The following PITPNM3 variants were observed in gnomAD, a reference collection of about 807,000 sequenced individuals.
The protein encoded by PITPNM3 is PITPNM family member 3, also known as membrane-associated phosphatidylinositol transfer protein 3.
PITPNM3 carries 26 observed loss-of-function variants against 102.0 expected under a neutral mutation model. The ratio of observed to expected loss-of-function variants is 0.25; its 90% CI spans 0.19 to 0.35. The LOEUF (loss-of-function observed/expected upper bound fraction) is 0.35. Among genes scored for constraint, PITPNM3 ranks in the 10% least tolerant of loss-of-function variants. PITPNM3 has a pLI of 1.00. For missense variants in PITPNM3, 1,083 were observed against 1,346.1 expected, an observed-to-expected ratio of 0.80 and a Z score of 3.06; for synonymous variants, 578 against 558.6, an observed-to-expected ratio of 1.03 and a Z score of -0.49.
intron 4 of PITPNM3, among the ~76,000 whole-genome samples, chr17:6,496,583 T>C (rs909994670): frequency 6.6e-6 from 1 of 152,322 alleles, no homozygotes; most frequent in Non-Finnish European, 1.5e-5. Context: ...CCTCACGCTT[T>C]TCATTTTATG....
At chr17:6,512,655 C>T (rs1046123582) in intron 3 of PITPNM3, among the ~76,000 whole-genome samples, 2 of 151,988 alleles carry the variant, frequency 1.3e-5, no homozygotes, top group Non-Finnish European at 2.9e-5. Flanking sequence ...CTTTGAGAAG[C>T]GTGTATTGAG....
intron 4 of PITPNM3, among the ~76,000 whole-genome samples, chr17:6,491,816 A>AATATATATAT (rs71381397): frequency 4.7e-4 from 29 of 62,054 alleles, no homozygotes; most frequent in African/African-American, 1.8e-3. Flanking sequence ...GGGACAATGG[A>AATATATATAT]ATATATATAT....
In PITPNM3 at chr17:6,464,426, C is replaced by T. The variant is rs1904658066; in HGVS notation, c.2008-108G>A. 6 of 1,261,160 alleles carry T rather than the reference C, an allele frequency of 4.8e-6. No homozygotes were observed. The Admixed American group carries it at 9.1e-5, about 19-fold the overall frequency. The allele number at this position is 1,261,160 out of a possible 1,614,324, so 78.1% of individuals were successfully genotyped here. ...GGCTGAGGTCCCTGCCTGACATTCC[C>T]TGGCTCCTGCCAGCCTGGCTCCTCA... On this transcript the variant is annotated intron_variant, in intron 15 of 19. Transcript: ENST00000262483.
rs185399662 is a variant in PITPNM3 at position 6,545,233 on chromosome 17, G to C, written c.23-7151C>G. Reference sequence around the variant, plus strand: ...ATTACATGAACAAACATTTCAAAACGGTTTAGCAGAGTGCCTGAGACTCCA... The same window carrying C: ...ATTACATGAACAAACATTTCAAAACCGTTTAGCAGAGTGCCTGAGACTCCA... On this transcript the variant is annotated intron_variant, in intron 1 of 19. Coordinates refer to ENST00000262483, the MANE Select transcript of PITPNM3 (RefSeq NM_031220.4). 7.9e-5 allele frequency among the ~76,000 whole-genome samples: 12 copies of C among 152,302 alleles called. No individual in the cohort carries two copies. In the East Asian group the frequency reaches 2.3e-3, roughly 29 times the overall value.
At position 6,453,457 on chromosome 17, in the gene PITPNM3, A is replaced by G. The variant is rs1913954537; in HGVS notation, c.*1881T>C. The G allele has an allele frequency of 6.5e-6, 1 of 152,818 alleles. No homozygotes were observed. Among genetic ancestry groups the G allele is most frequent in the African/African-American group, 2.4e-5 (1 of 41,456 alleles). The allele number at this position is 152,818 out of a possible 1,614,324, so 9.5% of individuals were successfully genotyped here. A position where few individuals can be genotyped will look rare whatever the true frequency, so the allele number is the denominator to read the frequency against. On this transcript the variant is annotated 3_prime_UTR_variant, in exon 20 of 20. Transcript: ENST00000262483. The stretch of plus-strand genomic sequence containing the variant: ...CTGTGAACCGCCAGGAGACAGGACC[A>G]TAGAGGAGGCTGAGGCTGAGGCTGA...
At chr17:6,528,206 C>T (rs182112843) in intron 2 of PITPNM3, among the ~76,000 whole-genome samples, 131 of 152,270 alleles carry the variant, frequency 8.6e-4, no homozygotes, top group African/African-American at 3.0e-3. Context: ...CTGCCACATC[C>T]GTATCTCTCT....
Position 6,537,731 on chromosome 17 carries a change from G to A in PITPNM3, c.118+256C>T, listed in dbSNP as rs555970342. ...AGTATGATGAGAGCAGCAATGTGACGACTGATTGCCACAGGATCCCTGGCA... is the reference window on the plus strand; with the variant it reads ...AGTATGATGAGAGCAGCAATGTGACAACTGATTGCCACAGGATCCCTGGCA... On this transcript the variant is annotated intron_variant, in intron 2 of 19. Coordinates refer to ENST00000262483, the MANE Select transcript of PITPNM3 (RefSeq NM_031220.4). This position sits in a 1 kb window ranked among gnomAD's most constrained non-coding sequence, Gnocchi z 4.4. Among the ~76,000 whole-genome samples the A allele has an allele frequency of 2.0e-5, 3 of 152,322 alleles. No individual in the cohort carries two copies. The highest frequency in any genetic ancestry group is 2.1e-4 in the South Asian group (1 of 4,832).
chr17:6,511,994 C>T (rs919039195), intron 3 of PITPNM3, among the ~76,000 whole-genome samples: 2 of 152,116 alleles, frequency 1.3e-5, no homozygotes, highest in African/African-American at 2.4e-5. Flanking sequence ...GAAGGAACAG[C>T]AGGCTTATGG....
chr17:6,484,478 C>A (rs1380527521), intron 4 of PITPNM3, among the ~76,000 whole-genome samples, 186 bp from the exon 5 acceptor site: 1 of 152,214 alleles, frequency 6.6e-6, no homozygotes, highest in Non-Finnish European at 1.5e-5. Flanking sequence ...CAACATGAAA[C>A]CCTTTCTCCT....
chr17:6,457,837 G>C lies in PITPNM3; in HGVS notation c.2491-115C>G. 7.0e-7 allele frequency: 1 copy of C among 1,424,528 alleles called. No individual in the cohort carries two copies. The highest frequency in any genetic ancestry group is 9.6e-7 in the Non-Finnish European group (1 of 1,046,620). The allele number at this position is 1,424,528 out of a possible 1,614,324, so 88.2% of individuals were successfully genotyped here. A position where few individuals can be genotyped will look rare whatever the true frequency, so the allele number is the denominator to read the frequency against. On this transcript the variant is annotated intron_variant, in intron 18 of 19. Transcript: ENST00000262483. This position sits in a 1 kb window ranked among gnomAD's most constrained non-coding sequence, Gnocchi z 4.7. ...GGGACCCTTTATGTGCACTCTGGTA[G>C]ACTCCAAGCCATGGGGCCACCCTGT...
intron 3 of PITPNM3, among the ~76,000 whole-genome samples, chr17:6,506,479 C>T (rs961697506): frequency 3.3e-5 from 5 of 151,784 alleles, no homozygotes; most frequent in Non-Finnish European, 7.4e-5. Flanking sequence ...TCAAGCGATT[C>T]TCCTGCCTCA....
chr17:6,470,047 C>T lies in PITPNM3; in HGVS notation c.1773+213G>A, dbSNP rs547192452. On this transcript the variant is annotated intron_variant, in intron 13 of 19. Transcript: ENST00000262483. The surrounding 1 kb of genome is among the most constrained non-coding windows in gnomAD (Gnocchi z 4.8). ...TTTAATTTTCTAGAGTGTACCATGC[C>T]GTCAGCCACCCAGGAGCCAATGTCT... Among the ~76,000 whole-genome samples the T allele has an allele frequency of 1.3e-5, 2 of 152,328 alleles. No individual in the cohort carries two copies. Among genetic ancestry groups the T allele is most frequent in the South Asian group, 2.1e-4 (1 of 4,832 alleles).
At chr17:6,487,394 T>C (rs1173132679) in intron 4 of PITPNM3, among the ~76,000 whole-genome samples, 4 of 152,114 alleles carry the variant, frequency 2.6e-5, no homozygotes, top group Non-Finnish European at 5.9e-5. Context: ...TTGTTATTAT[T>C]ATCATTATCC....
In PITPNM3 at chr17:6,483,800, G is replaced by A. The variant is rs371260418; in HGVS notation, c.352-48C>T. 334 of 1,539,478 alleles carry A rather than the reference G, an allele frequency of 2.2e-4. 4 individuals are homozygous for A. In the South Asian group the frequency reaches 2.5e-3, roughly 11 times the overall value. On this transcript the variant is annotated intron_variant, in intron 5 of 19. Coordinates refer to ENST00000262483, the MANE Select transcript of PITPNM3 (RefSeq NM_031220.4). ...TACAGAGAGAGAGGCGGCTGGGGTC[G>A]GGGGAGGCACACAGGGACACACACA... is the stretch of plus-strand genomic sequence containing the variant.
In PITPNM3 at chr17:6,471,246, G is replaced by A. The variant is rs1905057673; in HGVS notation, c.1539C>T (p.Arg513=). 3 of 1,613,358 alleles carry A rather than the reference G, an allele frequency of 1.9e-6. No individual in the cohort carries two copies. The South Asian group carries it at 3.3e-5, about 18-fold the overall frequency. ...TCCCCTCGCTCATCCTCCGTCCTGGGCGCTGGAACCTCGAGGCCTGAGGGG... is the reference window on the plus strand; with the variant it reads ...TCCCCTCGCTCATCCTCCGTCCTGGACGCTGGAACCTCGAGGCCTGAGGGG... ...ASPPQASRFQ[R]PGRRMSEGSS... The change falls in exon 12 of 20, where the codon CGC becomes CGT. Residue 513 remains arginine (R), a synonymous_variant. Transcript: ENST00000262483.
intron 1 of PITPNM3, among the ~76,000 whole-genome samples, chr17:6,546,027 G>C (rs1410950423): frequency 1.3e-5 from 2 of 152,214 alleles, no homozygotes; most frequent in Non-Finnish European, 2.9e-5. Flanking sequence ...TTCCTCTCTG[G>C]ATCAGGGTGA....
intron 2 of PITPNM3, among the ~76,000 whole-genome samples, chr17:6,528,907 T>C (rs1313487438): frequency 2.6e-5 from 4 of 152,194 alleles, no homozygotes; most frequent in Non-Finnish European, 5.9e-5. Context: ...CTTGAAGTCT[T>C]TGCTCTGCTT....
Position 6,537,902 on chromosome 17 carries a change from G to T in PITPNM3, c.118+85C>A. ...GCAGATACCACGTCTGAGTGGGGAG[G>T]GATGCGGACCCCCAAATGGGATCTT... On this transcript the variant is annotated intron_variant, in intron 2 of 19. Coordinates refer to ENST00000262483, the MANE Select transcript of PITPNM3 (RefSeq NM_031220.4). The surrounding 1 kb of genome is among the most constrained non-coding windows in gnomAD (Gnocchi z 4.4). 1 of 1,114,544 alleles carries T rather than the reference G, an allele frequency of 9.0e-7. No individual in the cohort carries two copies. Among genetic ancestry groups the T allele is most frequent in the Non-Finnish European group, 1.3e-6 (1 of 742,736 alleles). The allele number at this position is 1,114,544 out of a possible 1,614,324, so 69.0% of individuals were successfully genotyped here.
In PITPNM3 at chr17:6,483,614, C is replaced by A. The variant is rs1189345908; in HGVS notation, c.490G>T (p.Val164Phe). 1 of 1,614,070 alleles carries A rather than the reference C, an allele frequency of 6.2e-7. No individual in the cohort carries two copies. The highest frequency in any genetic ancestry group is 8.5e-7 in the Non-Finnish European group (1 of 1,180,028). ...IHTFSSVLEK[V>F]TRAHFPAALG... ...GCAGCAGGGAAATGGGCTCGTGTGA[C>A]CTTCTCCAGCACGGAGCTGAAGGTG... is the stretch of plus-strand genomic sequence containing the variant. The change falls in exon 6 of 20, where the codon GTC (valine) becomes TTC (phenylalanine). Residue 164 changes from valine (V) to phenylalanine (F), a missense_variant. Coordinates refer to ENST00000262483, the MANE Select transcript of PITPNM3 (RefSeq NM_031220.4).
Sources: gnomAD v4.1 joint callset for allele counts (sites outside exome capture counted in the v4.1 genomes callset) on GRCh38, gnomAD v4.1.1 for gene constraint, Gnocchi (gnomAD v3.1) non-coding constraint, MANE v1.5 for transcripts, NCBI Gene and HGNC (gene_info 2026-07-23, HGNC 2026-07-21) for gene names.